ZBTB20: variants seen among roughly 807,000 people sequenced by gnomAD.
ZBTB20 encodes zinc finger and BTB domain containing 20.
A neutral mutation model predicts 56.9 loss-of-function variants in ZBTB20; 9 were observed. That is an observed-to-expected ratio of 0.16 (90% CI 0.10 to 0.28). The LOEUF is 0.28. Ranked by LOEUF, ZBTB20 falls within the 10% of genes least tolerant of loss-of-function variation. ZBTB20 has a pLI of 1.00. For synonymous variants in ZBTB20, 417 were observed against 420.7 expected, an observed-to-expected ratio of 0.99 and a Z score of 0.11; for missense variants, 655 against 1,003.0, an observed-to-expected ratio of 0.65 and a Z score of 4.69.
At chr3:114,862,677 G>A (rs1195134690) in intron 4 of ZBTB20, among the ~76,000 whole-genome samples, 1 of 152,104 alleles carries the variant, frequency 6.6e-6, no homozygotes, top group East Asian at 1.9e-4. Flanking sequence ...TACCTGGATG[G>A]TAGTGAGGGT....
intron 4 of ZBTB20, among the ~76,000 whole-genome samples, chr3:114,842,789 CA>C (rs139279904): frequency 0.029 from 4,340 of 152,090 alleles, 140 homozygotes; most frequent in African/African-American, 0.073. Context: ...TTGTATTTTT[CA>C]AAAAAGAAAT....
intron 7 of ZBTB20, among the ~76,000 whole-genome samples, chr3:114,421,933 G>C (rs537520480): frequency 6.6e-6 from 1 of 151,330 alleles, no homozygotes. Flanking sequence ...ACTTTGTTTC[G>C]GGCTGTATCT....
intron 4 of ZBTB20, among the ~76,000 whole-genome samples, chr3:114,869,112 G>T (rs932112918): frequency 6.6e-6 from 1 of 151,980 alleles, no homozygotes; most frequent in African/African-American, 2.4e-5. Context: ...AACTTAGGAG[G>T]TTACTGAAGC....
intron 5 of ZBTB20, among the ~76,000 whole-genome samples, chr3:114,753,404 T>TATAC (rs1408672122): frequency 1.8e-4 from 25 of 137,594 alleles, no homozygotes; most frequent in African/African-American, 6.6e-4. Flanking sequence ...TGTATATATA[T>TATAC]ACACACACGT....
chr3:115,134,696 T>C (rs2084607487), intron 1 of ZBTB20, among the ~76,000 whole-genome samples: 1 of 152,198 alleles, frequency 6.6e-6, no homozygotes, highest in African/African-American at 2.4e-5. Flanking sequence ...AAATTCAGTT[T>C]TCATGTTTTC....
At chr3:114,580,816 A>G (rs76272675) in intron 6 of ZBTB20, among the ~76,000 whole-genome samples, 3,134 of 151,980 alleles carry the variant, frequency 0.021, 104 homozygotes, top group African/African-American at 0.071. Context: ...TCACAAATAG[A>G]GGGATATAGT....
At chr3:114,821,977 A>G (rs1180190825) in intron 4 of ZBTB20, among the ~76,000 whole-genome samples, 1 of 152,180 alleles carries the variant, frequency 6.6e-6, no homozygotes, top group East Asian at 1.9e-4. Flanking sequence ...ATGAATGAAT[A>G]AAAGTAAAAC....
chr3:114,983,002 A>G (rs928334479), intron 2 of ZBTB20, among the ~76,000 whole-genome samples: 1 of 152,008 alleles, frequency 6.6e-6, no homozygotes, highest in African/African-American at 2.4e-5. Context: ...ATTTGGAAAT[A>G]ATCTAGTTAT....
chr3:114,567,980 C>A (rs1045003635), intron 6 of ZBTB20, among the ~76,000 whole-genome samples: 1 of 152,208 alleles, frequency 6.6e-6, no homozygotes, highest in Non-Finnish European at 1.5e-5. Flanking sequence ...TGGGCTCAGG[C>A]CCAAGACTTG....
rs778982629 is a variant in ZBTB20, at chr3:114,337,822, G to A, written c.*1183C>T. On this transcript the variant is annotated 3_prime_UTR_variant, in exon 12 of 12. Coordinates refer to ENST00000675478, the MANE Select transcript of ZBTB20 (RefSeq NM_001348800.3). The stretch of plus-strand genomic sequence containing the variant: ...TTGACTTACCAAAAAATATATATAT[G>A]TGTGTGAAATAAAATAAAAGAGAAG... 1.3e-5 allele frequency: 2 copies of A among 151,726 alleles called. No individual in the cohort carries two copies. Among genetic ancestry groups the A allele is most frequent in the Non-Finnish European group, 2.9e-5 (2 of 67,982 alleles). 9.4% of individuals were successfully genotyped at this position (151,726 alleles called of 1,614,324 possible). A position where few individuals can be genotyped will look rare whatever the true frequency, so the allele number is the denominator to read the frequency against.
At chr3:114,982,635 T>C (rs1455043581) in intron 2 of ZBTB20, among the ~76,000 whole-genome samples, 1 of 152,048 alleles carries the variant, frequency 6.6e-6, no homozygotes, top group Non-Finnish European at 1.5e-5. Context: ...AACAGGCAGG[T>C]ACCAGTGAGA....
At chr3:114,829,676 G>T (rs941257580) in intron 4 of ZBTB20, among the ~76,000 whole-genome samples, 3 of 151,854 alleles carry the variant, frequency 2.0e-5, no homozygotes, top group African/African-American at 7.2e-5. Context: ...TTACACGGGA[G>T]ATGCAAGTAT....
intron 2 of ZBTB20, among the ~76,000 whole-genome samples, chr3:115,020,170 A>T (rs1220804965): frequency 6.6e-6 from 1 of 151,172 alleles, no homozygotes; most frequent in Non-Finnish European, 1.5e-5. Context: ...AAATGTCTTG[A>T]GCCACCAGAA....
intron 5 of ZBTB20, among the ~76,000 whole-genome samples, chr3:114,748,868 T>G (rs2067325447): frequency 6.6e-6 from 1 of 152,178 alleles, no homozygotes; most frequent in Non-Finnish European, 1.5e-5. Context: ...TATAGATTGA[T>G]GATGGAGGCA....
Position 114,315,568 on chromosome 3 carries a change from A to AGAGTGAGTGT in ZBTB20, c.*23436_*23437insACACTCACTC, listed in dbSNP as rs1553778290. The AGAGTGAGTGT allele has an allele frequency of 6.8e-6, 1 of 147,598 alleles. No individual in the cohort carries two copies. The highest frequency in any genetic ancestry group is 2.0e-4 in the East Asian group (1 of 5,026). 9.1% of individuals were successfully genotyped at this position (147,598 alleles called of 1,614,324 possible). ...GTGTGTATTTTAGGTCTAAACATACAGTGTGTGTGTGTGTGTGTGTGTGTG... is the reference window on the plus strand; with the variant it reads ...GTGTGTATTTTAGGTCTAAACATACAGAGTGAGTGTGTGTGTGTGTGTGTGTGTGTGTGTG... On this transcript the variant is annotated 3_prime_UTR_variant, in exon 12 of 12. Transcript: ENST00000675478.
At chr3:114,352,246 TA>T (rs1326529322) in intron 10 of ZBTB20, among the ~76,000 whole-genome samples, 1 of 152,230 alleles carries the variant, frequency 6.6e-6, no homozygotes, top group East Asian at 1.9e-4. Flanking sequence ...TATGGAACAC[TA>T]AACCTCCACT....
At chr3:115,116,452 T>C (rs1174986283) in intron 1 of ZBTB20, among the ~76,000 whole-genome samples, 4 of 152,090 alleles carry the variant, frequency 2.6e-5, no homozygotes, top group Non-Finnish European at 4.4e-5. Flanking sequence ...ATTTTAAAAA[T>C]ATTTATTGGA....
At chr3:114,703,771 T>G (rs1465106975) in intron 5 of ZBTB20, among the ~76,000 whole-genome samples, 3 of 152,170 alleles carry the variant, frequency 2.0e-5, no homozygotes, top group Non-Finnish European at 4.4e-5. Context: ...AATGGTCACT[T>G]TAGCCTGAGA....
chr3:114,859,177 T>C (rs574089572), intron 4 of ZBTB20, among the ~76,000 whole-genome samples: 1 of 152,130 alleles, frequency 6.6e-6, no homozygotes, highest in Admixed American at 6.5e-5. Context: ...GCTGCCTGCC[T>C]GCCCACCTTT....
Sources: gnomAD v4.1 joint callset for allele counts (sites outside exome capture counted in the v4.1 genomes callset) on GRCh38, gnomAD v4.1.1 for gene constraint, MANE v1.5 for transcripts, NCBI Gene and HGNC (gene_info 2026-07-23, HGNC 2026-07-21) for gene names.